KIF15: variants seen among roughly 807,000 people sequenced by gnomAD.
KIF15 encodes the protein kinesin family member 15, also known as kinesin-like protein KIF15.
Under a neutral mutation model 190.6 loss-of-function variants are expected in KIF15, and 140 were observed. The ratio of observed to expected loss-of-function variants is 0.73; its 90% CI spans 0.64 to 0.84. The LOEUF (loss-of-function observed/expected upper bound fraction) is 0.84. Ranked by LOEUF, KIF15 falls within the 40% of genes least tolerant of loss-of-function variation. The probability of loss-of-function intolerance (pLI) is 0.00; values close to 1 mark genes in which losing one functional copy is unlikely to be tolerated. For synonymous variants in KIF15, 528 were observed against 551.3 expected, an observed-to-expected ratio of 0.96 and a Z score of 0.59; for missense variants, 1,372 against 1,584.4, an observed-to-expected ratio of 0.87 and a Z score of 2.28.
chr3:44,834,461 A>G (rs1698212156), intron 26 of KIF15, among the ~76,000 whole-genome samples: 2 of 152,234 alleles, frequency 1.3e-5, no homozygotes, highest in South Asian at 4.1e-4. Flanking sequence ...CTTAAAAATA[A>G]TATTTACTAT....
rs749945101 is a variant in KIF15, at chr3:44,794,342, T to C, written c.765T>C (p.Asn255=). ...TGGAGAAAAGTAATGAGATTGTGAA[T>C]ATACGGACCTCCCTACTCAACCTGG... ...ESMEKSNEIV[N]IRTSLLNLVD... is the part of the protein sequence containing the mutation. Residue 255 remains asparagine, a synonymous_variant, in exon 8 of 35, where the codon AAT becomes AAC. Transcript: ENST00000326047. 7.4e-6 allele frequency: 12 copies of C among 1,613,922 alleles called. No homozygotes were observed. Among genetic ancestry groups the C allele is most frequent in the Middle Eastern group, 1.6e-4 (1 of 6,084 alleles).
At chr3:44,789,682 A>G (rs1706588040) in intron 7 of KIF15, among the ~76,000 whole-genome samples, 1 of 63,328 alleles carries the variant, frequency 1.6e-5, no homozygotes, top group African/African-American at 4.9e-5. Flanking sequence ...ATATATATAT[A>G]TATATATATA....
chr3:44,785,325 T>G (rs1044979328), intron 6 of KIF15, among the ~76,000 whole-genome samples: 1 of 152,212 alleles, frequency 6.6e-6, no homozygotes, highest in African/African-American at 2.4e-5. Context: ...GGCTCACAGG[T>G]GACTGCAGGT....
At chr3:44,799,002 A>G (rs1042268992) in intron 10 of KIF15, among the ~76,000 whole-genome samples, 3 of 152,216 alleles carry the variant, frequency 2.0e-5, no homozygotes, top group African/African-American at 4.8e-5. Flanking sequence ...TCAGAAGACT[A>G]TAGATCTAGT....
Position 44,811,004 on chromosome 3 carries a change from AG to A in KIF15, c.2131del (p.Ala711LeufsTer16). ...CAGTTCCTCCTGAGATGAATGAACAAGCTTTTGAGGCCATTTCTGAAGAGCT... is the reference window on the plus strand; with the variant it reads ...CAGTTCCTCCTGAGATGAATGAACAACTTTTGAGGCCATTTCTGAAGAGCT... ...EPVPPEMNEQ[A>X]FEAISEELRT... On this transcript the variant is annotated frameshift_variant, in exon 17 of 35. Transcript: ENST00000326047. LOFTEE classifies it high-confidence loss of function. The A allele has an allele frequency of 6.2e-7, 1 of 1,613,852 alleles. No individual in the cohort carries two copies. The highest frequency in any genetic ancestry group is 8.5e-7 in the Non-Finnish European group (1 of 1,179,926).
intron 22 of KIF15, 41 bp from the exon 23 acceptor site, chr3:44,827,418 T>C (rs191805680): frequency 4.0e-5 from 55 of 1,377,444 alleles, no homozygotes; most frequent in African/African-American, 2.9e-5. Context: ...CCTGTTTTCA[T>C]TGAGTGAAGT....
In KIF15 at chr3:44,827,453, T is replaced by C; in HGVS notation, c.2787-6T>C. 1 of 1,601,786 alleles carries C rather than the reference T, an allele frequency of 6.2e-7. No individual in the cohort carries two copies. Among genetic ancestry groups the C allele is most frequent in the Non-Finnish European group, 8.6e-7 (1 of 1,169,346 alleles). ...TCAGGGGTAAAAGATAATTATTCTC[T>C]TCCAGAGAAATCTTAAAAGTTCTTG... On this transcript the variant is annotated splice_region_variant and splice_polypyrimidine_tract_variant and intron_variant, in intron 22 of 34. Coordinates refer to ENST00000326047, the MANE Select transcript of KIF15 (RefSeq NM_020242.3).
intron 27 of KIF15, among the ~76,000 whole-genome samples, chr3:44,838,695 C>T (rs1244831175): frequency 1.3e-5 from 2 of 150,334 alleles, no homozygotes; most frequent in Non-Finnish European, 3.0e-5. Flanking sequence ...TTGCAATGAG[C>T]CAAGATTGCA....
intron 20 of KIF15, 29 bp from the exon 21 acceptor site, chr3:44,826,008 TTA>T (rs1325366819): frequency 1.4e-5 from 22 of 1,548,226 alleles, no homozygotes. Flanking sequence ...AAATGTTTAT[TTA>T]CCATTTTTAA....
intron 20 of KIF15, among the ~76,000 whole-genome samples, chr3:44,823,497 A>G (rs1178380083): frequency 1.3e-5 from 2 of 152,182 alleles, no homozygotes; most frequent in African/African-American, 4.8e-5. Context: ...CAGTCTGTCC[A>G]TTCTCAGTGC....
intron 11 of KIF15, 72 bp downstream of exon 11, chr3:44,800,509 G>C (rs1707216656): frequency 6.5e-7 from 1 of 1,541,332 alleles, no homozygotes; most frequent in Non-Finnish European, 8.8e-7. Context: ...CTTGGTGATA[G>C]ACACAACACA....
rs199972624 is a variant in KIF15, at chr3:44,805,994, A to C, written c.1971+8A>C. 14 of 1,612,308 alleles carry C rather than the reference A, an allele frequency of 8.7e-6. No individual in the cohort carries two copies. In the South Asian group the frequency reaches 1.5e-4, roughly 18 times the overall value. On this transcript the variant is annotated splice_region_variant and intron_variant, in intron 16 of 34. Transcript: ENST00000326047. ...CATGCTGAAACACTTAAGGTAGGTC[A>C]TCTGAACAATACCTCCACCTTAAAT...
rs1698538081 is a variant in KIF15 at position 44,840,473 on chromosome 3, GATT to G, written c.3420+21_3420+23del. On this transcript the variant is annotated intron_variant, in intron 28 of 34. Coordinates refer to ENST00000326047, the MANE Select transcript of KIF15 (RefSeq NM_020242.3). ...GATCCCCAGGTACTTTTCAGAAAAA[GATT>G]ATTTCAGGAGGAAGAAACAGTTTTG... The G allele has an allele frequency of 2.6e-6, 4 of 1,514,998 alleles. No individual in the cohort carries two copies. Among genetic ancestry groups the G allele is most frequent in the Non-Finnish European group, 3.6e-6 (4 of 1,101,636 alleles). 93.8% of individuals were successfully genotyped at this position (1,514,998 alleles called of 1,614,324 possible). A position where few individuals can be genotyped will look rare whatever the true frequency, so the allele number is the denominator to read the frequency against.
chr3:44,800,043 G>T (rs1707191434), intron 10 of KIF15, among the ~76,000 whole-genome samples: 1 of 152,108 alleles, frequency 6.6e-6, no homozygotes, highest in South Asian at 2.1e-4. Context: ...GATCCTAAGG[G>T]TGACCCAGCC....
chr3:44,829,551 T>C lies in KIF15; in HGVS notation c.2944-420T>C, dbSNP rs1285675251. Among the ~76,000 whole-genome samples the C allele has an allele frequency of 1.6e-4, 5 of 30,828 alleles. No individual in the cohort carries two copies. The East Asian group carries it at 0.036, about 220-fold the overall frequency. The allele number at this position is 30,828 out of a possible 152,430, so 20.2% of individuals were successfully genotyped here. Reference sequence around the variant, plus strand: ...ATATAATATGTATATATTATATATGTATATATTATATATGTATATATTATA... The same window carrying C: ...ATATAATATGTATATATTATATATGCATATATTATATATGTATATATTATA... On this transcript the variant is annotated intron_variant, in intron 24 of 34. Coordinates refer to ENST00000326047, the MANE Select transcript of KIF15 (RefSeq NM_020242.3).
chr3:44,798,477 A>G (rs1386486861), intron 10 of KIF15, among the ~76,000 whole-genome samples: 3 of 151,620 alleles, frequency 2.0e-5, no homozygotes, highest in East Asian at 3.9e-4. Flanking sequence ...CGCCCGGCTA[A>G]TTTTTTGTAT....
intron 5 of KIF15, 91 bp downstream of exon 5, chr3:44,781,013 T>C: frequency 1.1e-6 from 1 of 944,518 alleles, no homozygotes; most frequent in Non-Finnish European, 1.7e-6. Context: ...AATTTCTATA[T>C]ATGATGTTGA....
chr3:44,866,828 C>T (rs766115058), intron 6 of KIF15, among the ~76,000 whole-genome samples: 6 of 152,172 alleles, frequency 3.9e-5, no homozygotes, highest in Non-Finnish European at 7.3e-5. Flanking sequence ...CATGCTGAGT[C>T]CCCCCAGACA....
chr3:44,801,688 A>T (rs1027107974), intron 12 of KIF15, 77 bp from the exon 13 acceptor site: 25 of 1,014,442 alleles, frequency 2.5e-5, no homozygotes, highest in Non-Finnish European at 3.7e-5. Flanking sequence ...TGAAATTAGT[A>T]TTTGTTGCTG....
Sources: gnomAD v4.1 joint callset for allele counts (sites outside exome capture counted in the v4.1 genomes callset) on GRCh38, gnomAD v4.1.1 for gene constraint, MANE v1.5 for transcripts, NCBI Gene and HGNC (gene_info 2026-07-23, HGNC 2026-07-21) for gene names.